The following LARP1 variants were observed in gnomAD, a reference collection of about 807,000 sequenced individuals.
The protein encoded by LARP1 is La ribonucleoprotein 1, translational regulator.
Under a neutral mutation model 122.7 loss-of-function variants are expected in LARP1, and 36 were observed. The observed-to-expected ratio is 0.29, with a 90% CI of 0.22 to 0.39. The LOEUF (loss-of-function observed/expected upper bound fraction) is 0.39. LARP1 is among the 10% of genes least tolerant of loss of function. LARP1 has a pLI of 1.00. For missense variants in LARP1, 1,040 were observed against 1,403.6 expected, an observed-to-expected ratio of 0.74 and a Z score of 4.14; for synonymous variants, 539 against 528.7, an observed-to-expected ratio of 1.02 and a Z score of -0.27.
chr5:154,763,080 T>A (rs1754603485), intron 1 of LARP1, among the ~76,000 whole-genome samples: 2 of 151,320 alleles, frequency 1.3e-5, no homozygotes, highest in Admixed American at 1.3e-4. Flanking sequence ...TTTCTTTTTT[T>A]GAGAAAGAGT....
At chr5:154,801,944 G>A in intron 10 of LARP1, 63 bp from the exon 11 acceptor site, 4 of 1,495,346 alleles carry the variant, frequency 2.7e-6, no homozygotes, top group Non-Finnish European at 3.6e-6. Flanking sequence ...TCATGGTATA[G>A]CTACAGAATC....
Position 154,793,998 on chromosome 5 carries a change from G to A in LARP1, c.1067G>A (p.Arg356Gln), listed in dbSNP as rs756724516. The change falls in exon 6 of 19, where the codon CGA (arginine) becomes CAA (glutamine). Residue 356 changes from arginine to glutamine, a missense_variant and splice_region_variant. By Grantham distance (43) the Arg-to-Gln change is conservative. This residue lies in a region of LARP1 where 178 missense variants were observed against 178.3 expected (regional missense o/e 1.00). Coordinates refer to ENST00000518297, the MANE Select transcript of LARP1 (RefSeq NM_033551.3). Reference protein sequence around the residue: ...RGRGRGRGGTRTHFDYQFGYR... With the variant: ...RGRGRGRGGTQTHFDYQFGYR... ...CGGGGACGCGGCCGGGGTGGCACTC[G>A]AAGTACGTGAGGCCCCTTTGGGCTC... The A allele has an allele frequency of 4.9e-5, 79 of 1,609,442 alleles. No individual in the cohort carries two copies. Among genetic ancestry groups the A allele is most frequent in the Non-Finnish European group, 6.5e-5 (77 of 1,177,010 alleles).
At chr5:154,792,864 G>A in intron 4 of LARP1, 68 bp downstream of exon 4, 3 of 1,506,750 alleles carry the variant, frequency 2.0e-6, no homozygotes, top group Non-Finnish European at 2.7e-6. Context: ...AGGACTCCAG[G>A]GGACTGCTGG....
chr5:154,697,283 A>C (rs1224984521), intron 1 of LARP1, among the ~76,000 whole-genome samples: 1 of 147,542 alleles, frequency 6.8e-6, no homozygotes, highest in Non-Finnish European at 1.5e-5. Flanking sequence ...CCCAGTTCCT[A>C]GCTTGACTTT....
At chr5:154,687,735 G>A (rs145448341) in intron 1 of LARP1, among the ~76,000 whole-genome samples, 244 of 152,208 alleles carry the variant, frequency 1.6e-3, no homozygotes, top group African/African-American at 5.4e-3. Flanking sequence ...TTTGGAAGGC[G>A]AAGGTGGCAG....
At position 154,804,303 on chromosome 5, in the gene LARP1, A is replaced by G; in HGVS notation, c.2542A>G (p.Ile848Val). 1.9e-6 allele frequency: 3 copies of G among 1,612,782 alleles called. No homozygotes were observed. The highest frequency in any genetic ancestry group is 2.5e-6 in the Non-Finnish European group (3 of 1,178,752). ...SREHRPRTAS[I>V]SSSPSEGTPT... is the part of the protein sequence containing the mutation. ...TGAGCACAGGCCCCGTACTGCTTCC[A>G]TCAGGTACCTGGGGCAGTGGGGGAA... The change falls in exon 14 of 19, where the codon ATC becomes GTC. Residue 848 changes from isoleucine to valine, a missense_variant. Physicochemically the swap from Ile to Val is conservative, Grantham distance 29. This residue lies in a region of LARP1 where 26 missense variants were observed against 27.5 expected (regional missense o/e 0.94). Transcript: ENST00000518297.
chr5:154,719,278 G>A (rs1236356944), intron 1 of LARP1, among the ~76,000 whole-genome samples: 1 of 152,086 alleles, frequency 6.6e-6, no homozygotes, highest in Non-Finnish European at 1.5e-5. Context: ...GGGCCTCTGG[G>A]GATCCTAGGC....
At chr5:154,724,638 A>G (rs1230393742) in intron 1 of LARP1, among the ~76,000 whole-genome samples, 3 of 151,774 alleles carry the variant, frequency 2.0e-5, no homozygotes, top group African/African-American at 7.3e-5. Flanking sequence ...ATTATGGACT[A>G]GAAGACTGCT....
chr5:154,758,331 G>A (rs1376627413), intron 1 of LARP1, among the ~76,000 whole-genome samples: 1 of 152,198 alleles, frequency 6.6e-6, no homozygotes, highest in African/African-American at 2.4e-5. Context: ...AAAATTCTGA[G>A]TAAGGGTAGA....
chr5:154,692,535 G>T (rs981082192), intron 1 of LARP1, among the ~76,000 whole-genome samples: 1 of 152,082 alleles, frequency 6.6e-6, no homozygotes, highest in Non-Finnish European at 1.5e-5. Context: ...TGCATACCTG[G>T]AAAGCCCTTC....
chr5:154,739,226 T>C (rs1157245073), intron 1 of LARP1, among the ~76,000 whole-genome samples: 1 of 152,114 alleles, frequency 6.6e-6, no homozygotes, highest in Non-Finnish European at 1.5e-5. Flanking sequence ...TTCACCGTGT[T>C]AGCCAGGATG....
At chr5:154,715,358 G>A (rs1465533093) in intron 1 of LARP1, among the ~76,000 whole-genome samples, 1 of 142,692 alleles carries the variant, frequency 7.0e-6, no homozygotes, top group African/African-American at 2.6e-5. Flanking sequence ...TCCGCCTCCC[G>A]GGTTCAAGCG....
At position 154,802,968 on chromosome 5, in the gene LARP1, TAGC is replaced by T. The variant is rs1582464343; in HGVS notation, c.2110-319_2110-317del. On this transcript the variant is annotated intron_variant, in intron 11 of 18. Transcript: ENST00000518297. This position sits in a 1 kb window ranked among gnomAD's most constrained non-coding sequence, Gnocchi z 5.1. ...GCCCAGCCACTGTGTGATAAGGCAG[TAGC>T]AGAAAGAGAGATGGGGAAACACTGG... 6.6e-6 allele frequency among the ~76,000 whole-genome samples: 1 copy of T among 152,170 alleles called. No individual in the cohort carries two copies. Among genetic ancestry groups the T allele is most frequent in the East Asian group, 1.9e-4 (1 of 5,184 alleles).
chr5:154,798,088 G>T (rs1758035621), intron 8 of LARP1, among the ~76,000 whole-genome samples: 1 of 152,090 alleles, frequency 6.6e-6, no homozygotes, highest in Non-Finnish European at 1.5e-5. Flanking sequence ...CATTTAAATT[G>T]ATATATATAT....
chr5:154,761,463 G>GGGAGGA (rs1027068663), intron 1 of LARP1, among the ~76,000 whole-genome samples: 2 of 152,092 alleles, frequency 1.3e-5, no homozygotes, highest in Admixed American at 1.3e-4. Flanking sequence ...TGGGCAGGGT[G>GGGAGGA]GGAGGAGGAG....
intron 15 of LARP1, among the ~76,000 whole-genome samples, chr5:154,806,486 G>A (rs1036966982): frequency 6.6e-6 from 1 of 152,162 alleles, no homozygotes; most frequent in Non-Finnish European, 1.5e-5. Flanking sequence ...TTTTTAAGGG[G>A]TTGTAAGAAA....
In LARP1 at chr5:154,817,592, T is replaced by C. The variant is rs1471233684; in HGVS notation, c.*3496T>C. 1.3e-5 allele frequency: 2 copies of C among 152,684 alleles called. No homozygotes were observed. The highest frequency in any genetic ancestry group is 1.3e-4 in the Admixed American group (2 of 15,284). 9.5% of individuals were successfully genotyped at this position (152,684 alleles called of 1,614,324 possible). A position where few individuals can be genotyped will look rare whatever the true frequency, so the allele number is the denominator to read the frequency against. ...CAAAAAAATGTATAAAAATAAACAC[T>C]TGAAAAGGCAAAATACTGGCTGGTC... On this transcript the variant is annotated 3_prime_UTR_variant, in exon 19 of 19. Transcript: ENST00000518297.
At chr5:154,683,333 C>T (rs1475531318) in intron 1 of LARP1, among the ~76,000 whole-genome samples, 1 of 152,230 alleles carries the variant, frequency 6.6e-6, no homozygotes, top group African/African-American at 2.4e-5. Flanking sequence ...ATTTATTTGG[C>T]TCACACAGTG....
intron 1 of LARP1, among the ~76,000 whole-genome samples, chr5:154,758,228 C>T (rs1754161155): frequency 6.6e-6 from 1 of 152,050 alleles, no homozygotes; most frequent in Non-Finnish European, 1.5e-5. Flanking sequence ...GTGTGCGTCA[C>T]TGGGGTTATT....
Sources: gnomAD v4.1 joint callset for allele counts (sites outside exome capture counted in the v4.1 genomes callset) on GRCh38, gnomAD v4.1.1 for gene constraint, gnomAD v4.1.1 regional missense constraint, Gnocchi (gnomAD v3.1) non-coding constraint, MANE v1.5 for transcripts, NCBI Gene and HGNC (gene_info 2026-07-23, HGNC 2026-07-21) for gene names.